PCDH9: variants seen among roughly 807,000 people sequenced by gnomAD.
PCDH9 encodes protocadherin-9.
Under a neutral mutation model 70.6 loss-of-function variants are expected in PCDH9, and 24 were observed. The ratio of observed to expected loss-of-function variants is 0.34; its 90% CI spans 0.25 to 0.48. The LOEUF (loss-of-function observed/expected upper bound fraction) is 0.48. Ranked by LOEUF, PCDH9 falls within the 20% of genes least tolerant of loss-of-function variation. The pLI, the probability that PCDH9 is intolerant of heterozygous loss-of-function variation, is 0.99. For synonymous variants in PCDH9, 562 were observed against 558.5 expected (o/e 1.01, Z -0.09); for missense variants, 1,281 against 1,503.6 (o/e 0.85, Z 2.45).
chr13:66,924,288 C>T (rs2082682262), intron 2 of PCDH9, among the ~76,000 whole-genome samples: 1 of 151,790 alleles, frequency 6.6e-6, no homozygotes, highest in Non-Finnish European at 1.5e-5. Flanking sequence ...ATTTTTAAAG[C>T]ATTAACCCTT....
chr13:66,383,672 T>A (rs1023885437), intron 4 of PCDH9, among the ~76,000 whole-genome samples: 2 of 152,202 alleles, frequency 1.3e-5, no homozygotes, highest in African/African-American at 4.8e-5. Context: ...TGGGAATTTC[T>A]TACAATCATT....
At chr13:67,136,644 T>A (rs1164070508) in intron 2 of PCDH9, among the ~76,000 whole-genome samples, 1 of 152,164 alleles carries the variant, frequency 6.6e-6, no homozygotes, top group Non-Finnish European at 1.5e-5. Flanking sequence ...GATATTATGG[T>A]CTAATCTCTT....
intron 3 of PCDH9, among the ~76,000 whole-genome samples, chr13:66,687,971 T>A (rs894914094): frequency 6.6e-6 from 1 of 152,120 alleles, no homozygotes; most frequent in East Asian, 1.9e-4. Context: ...CTTTTCTGCC[T>A]TGGAAACTTT....
intron 4 of PCDH9, among the ~76,000 whole-genome samples, chr13:66,535,765 T>C (rs2138643590): frequency 6.6e-6 from 1 of 152,168 alleles, no homozygotes; most frequent in East Asian, 1.9e-4. Flanking sequence ...AATTAAAATA[T>C]TACTCAGGAA....
chr13:66,906,565 A>G (rs1056212851), intron 2 of PCDH9, among the ~76,000 whole-genome samples: 1 of 152,144 alleles, frequency 6.6e-6, no homozygotes, highest in African/African-American at 2.4e-5. Context: ...AAGTCCTTCC[A>G]TCCCTAAAAG....
chr13:66,674,372 T>C (rs958571152), intron 3 of PCDH9, among the ~76,000 whole-genome samples: 3 of 152,106 alleles, frequency 2.0e-5, no homozygotes, highest in African/African-American at 7.2e-5. Context: ...ACAATTTATA[T>C]TGCTAGCATT....
intron 2 of PCDH9, among the ~76,000 whole-genome samples, chr13:66,992,198 A>G (rs980468018): frequency 3.3e-5 from 5 of 152,176 alleles, no homozygotes; most frequent in African/African-American, 1.2e-4. Flanking sequence ...GATATTCCCT[A>G]GAAAAACAAA....
At chr13:66,877,057 T>A (rs1177768495) in intron 3 of PCDH9, 2 of 139,278 alleles carry the variant, frequency 1.4e-5, no homozygotes, top group Non-Finnish European at 3.1e-5. Context: ...TGAAAAAAAA[T>A]GCATTAACTG....
intron 2 of PCDH9, among the ~76,000 whole-genome samples, chr13:67,139,552 C>T (rs1594565318): frequency 6.6e-6 from 1 of 152,186 alleles, no homozygotes; most frequent in East Asian, 1.9e-4. Context: ...GCAGTGGCTA[C>T]TGAAATGCAC....
chr13:66,691,925 C>G (rs2078493356), intron 3 of PCDH9, among the ~76,000 whole-genome samples: 1 of 152,080 alleles, frequency 6.6e-6, no homozygotes, highest in African/African-American at 2.4e-5. Flanking sequence ...CCTACTTAAG[C>G]CTGGGCAATA....
At chr13:66,422,475 C>A (rs1957585497) in intron 4 of PCDH9, among the ~76,000 whole-genome samples, 1 of 152,182 alleles carries the variant, frequency 6.6e-6, no homozygotes, top group Admixed American at 6.5e-5. Context: ...ACAGTGCAAT[C>A]AAATTGGAAC....
intron 2 of PCDH9, among the ~76,000 whole-genome samples, chr13:67,064,387 C>G (rs2085600102): frequency 6.6e-6 from 1 of 151,956 alleles, no homozygotes; most frequent in African/African-American, 2.4e-5. Context: ...AGTGCAAGAG[C>G]CTAAAATATT....
At chr13:66,733,719 GCTGT>G (rs1386384609) in intron 3 of PCDH9, among the ~76,000 whole-genome samples, 1 of 149,148 alleles carries the variant, frequency 6.7e-6, no homozygotes, top group Non-Finnish European at 1.5e-5. Flanking sequence ...AGGCCACAAA[GCTGT>G]CTATCTTACA....
intron 2 of PCDH9, chr13:67,223,061 C>G (rs1388485898): frequency 6.6e-6 from 1 of 152,114 alleles, no homozygotes; most frequent in Non-Finnish European, 1.5e-5. Context: ...TTTAATAGCT[C>G]TTTATCATAA....
chr13:66,527,917 C>T (rs1447764218), intron 4 of PCDH9, among the ~76,000 whole-genome samples: 1 of 152,036 alleles, frequency 6.6e-6, no homozygotes, highest in Non-Finnish European at 1.5e-5. Flanking sequence ...ACTTGGGAGG[C>T]TGAGGCAGGA....
chr13:66,905,345 A>C (rs558954370), intron 2 of PCDH9, among the ~76,000 whole-genome samples: 1 of 152,264 alleles, frequency 6.6e-6, no homozygotes, highest in Admixed American at 6.5e-5. Context: ...TCTCCTAAGA[A>C]ACATTTCCTA....
intron 3 of PCDH9, among the ~76,000 whole-genome samples, chr13:66,657,932 C>T (rs186404831): frequency 1.3e-5 from 2 of 152,190 alleles, no homozygotes; most frequent in East Asian, 3.9e-4. Flanking sequence ...GTTGAAAATT[C>T]ACAAAATAAA....
At chr13:66,705,624 C>G (rs1476892514) in intron 3 of PCDH9, among the ~76,000 whole-genome samples, 1 of 152,078 alleles carries the variant, frequency 6.6e-6, no homozygotes, top group Non-Finnish European at 1.5e-5. Flanking sequence ...GCAAAGAAAC[C>G]TCTTTTTGTT....
At chr13:66,853,821 T>A (rs1445869426) in intron 3 of PCDH9, among the ~76,000 whole-genome samples, 1 of 151,944 alleles carries the variant, frequency 6.6e-6, no homozygotes, top group Non-Finnish European at 1.5e-5. Context: ...GCAATCAACA[T>A]GCCTCAGCAT....
Sources: allele counts gnomAD v4.1 joint callset (sites outside exome capture counted in the v4.1 genomes callset), GRCh38; gene constraint gnomAD v4.1.1; transcripts MANE v1.5; gene names NCBI Gene and HGNC (gene_info 2026-07-23, HGNC 2026-07-21).